The following MSL2 variants were observed in gnomAD, a reference collection of about 807,000 sequenced individuals.
The protein encoded by MSL2 is MSL complex subunit 2.
A neutral mutation model predicts 35.8 loss-of-function variants in MSL2; 2 were observed. The ratio of observed to expected loss-of-function variants is 0.06; its 90% CI spans 0.02 to 0.18. MSL2 has a LOEUF of 0.18. MSL2 is among the 10% of genes least tolerant of loss of function. The probability of loss-of-function intolerance (pLI) is 1.00; values close to 1 mark genes in which losing one functional copy is unlikely to be tolerated. For missense variants in MSL2, 523 were observed against 706.7 expected (o/e 0.74, Z 2.95); for synonymous variants, 296 against 255.7 (o/e 1.16, Z -1.50).
intron 1 of MSL2, among the ~76,000 whole-genome samples, chr3:136,191,556 G>A (rs1940691489): frequency 6.6e-6 from 1 of 151,898 alleles, no homozygotes; most frequent in African/African-American, 2.4e-5. Context: ...AAGGCACAAG[G>A]ATAGTTTGAG....
chr3:136,180,071 A>T (rs950128229), intron 1 of MSL2, among the ~76,000 whole-genome samples: 2 of 152,186 alleles, frequency 1.3e-5, no homozygotes, highest in Non-Finnish European at 2.9e-5. Context: ...TCTCAAAAAA[A>T]AAATAAAAAA....
chr3:136,156,325 A>G (rs1939520041), intron 1 of MSL2, among the ~76,000 whole-genome samples: 1 of 152,228 alleles, frequency 6.6e-6, no homozygotes, highest in Non-Finnish European at 1.5e-5. Context: ...GTCCGTCTGC[A>G]TGTGGAAGGA....
chr3:136,177,087 C>A (rs189923209), intron 1 of MSL2, among the ~76,000 whole-genome samples: 20 of 152,152 alleles, frequency 1.3e-4, no homozygotes, highest in African/African-American at 4.6e-4. Flanking sequence ...TACTGTAAAC[C>A]TCCACCCACT....
At chr3:136,182,501 T>C (rs539323768) in intron 1 of MSL2, among the ~76,000 whole-genome samples, 6 of 152,278 alleles carry the variant, frequency 3.9e-5, no homozygotes, top group African/African-American at 1.4e-4. Context: ...TGCCTGGGAA[T>C]ACTTTTCAGG....
At chr3:136,181,271 A>G (rs1342773495) in intron 1 of MSL2, among the ~76,000 whole-genome samples, 6 of 152,176 alleles carry the variant, frequency 3.9e-5, no homozygotes, top group African/African-American at 1.4e-4. Context: ...CTTGTCTCTA[A>G]CCGTTGATCT....
At chr3:136,157,510 GA>G in intron 1 of MSL2, among the ~76,000 whole-genome samples, 1 of 152,034 alleles carries the variant, frequency 6.6e-6, no homozygotes, top group Non-Finnish European at 1.5e-5. Flanking sequence ...TCAAAAAAAC[GA>G]AAATAAATAA....
At chr3:136,193,691 T>C (rs1576381044) in intron 1 of MSL2, among the ~76,000 whole-genome samples, 2 of 151,978 alleles carry the variant, frequency 1.3e-5, no homozygotes, top group East Asian at 1.9e-4. Context: ...GAAAGGAAAC[T>C]GAATCTAGCC....
chr3:136,170,365 A>G (rs547325232), intron 1 of MSL2, among the ~76,000 whole-genome samples: 1 of 150,972 alleles, frequency 6.6e-6, no homozygotes, highest in South Asian at 2.1e-4. Context: ...AAAAAAAAAA[A>G]CCATTGTTAA....
chr3:136,155,747 G>A (rs888696104), intron 1 of MSL2: 8 of 522,086 alleles, frequency 1.5e-5, no homozygotes, highest in East Asian at 4.8e-5. Flanking sequence ...TTCTACAGAC[G>A]GAATTGTGAG....
intron 1 of MSL2, among the ~76,000 whole-genome samples, chr3:136,169,483 C>T (rs1395391628): frequency 6.6e-6 from 1 of 152,116 alleles, no homozygotes; most frequent in African/African-American, 2.4e-5. Context: ...CAGTCTCACT[C>T]TGTCACCTAG....
chr3:136,194,838 T>C, intron 1 of MSL2, 134 bp downstream of exon 1: 2 of 1,394,202 alleles, frequency 1.4e-6, no homozygotes, highest in Non-Finnish European at 2.0e-6. Flanking sequence ...GTTTCAAAAC[T>C]AATGACCGTA....
chr3:136,177,367 C>T (rs988407154), intron 1 of MSL2, among the ~76,000 whole-genome samples: 1 of 152,012 alleles, frequency 6.6e-6, no homozygotes, highest in Non-Finnish European at 1.5e-5. Context: ...GGCAGATGTG[C>T]CTTAGTCACT....
At chr3:136,183,413 T>C (rs943661153) in intron 1 of MSL2, among the ~76,000 whole-genome samples, 1 of 151,926 alleles carries the variant, frequency 6.6e-6, no homozygotes, top group Non-Finnish European at 1.5e-5. Context: ...ATTTTTAAAA[T>C]GAAAGTTTTG....
In MSL2 at chr3:136,150,961, G is replaced by GT; in HGVS notation, c.*185dup. 1 of 620,040 alleles carries GT rather than the reference G, an allele frequency of 1.6e-6. No individual in the cohort carries two copies. The allele number at this position is 620,040 out of a possible 1,614,324, so 38.4% of individuals were successfully genotyped here. On this transcript the variant is annotated 3_prime_UTR_variant, in exon 2 of 2. Coordinates refer to ENST00000309993, the MANE Select transcript of MSL2 (RefSeq NM_018133.4). ...CTGTAAGAACTAAGGACATATAGTT[G>GT]TAGGGTTACTCCTCCATTATCTGCA...
rs368825672 is a variant in MSL2, at chr3:136,195,134, T to C, written c.-21A>G. On this transcript the variant is annotated 5_prime_UTR_variant, in exon 1 of 2. Transcript: ENST00000309993. Reference sequence around the variant, plus strand: ...TTCATTGCAGACACTTCGACACCAATGGCTCCCGGTTGAAAAGAAATTCCG... The same window carrying C: ...TTCATTGCAGACACTTCGACACCAACGGCTCCCGGTTGAAAAGAAATTCCG... 9.9e-5 allele frequency: 155 copies of C among 1,573,168 alleles called. No individual in the cohort carries two copies. The Admixed American group carries it at 1.5e-3, about 15-fold the overall frequency.
chr3:136,173,075 A>G (rs921378536), intron 1 of MSL2, among the ~76,000 whole-genome samples: 1 of 152,178 alleles, frequency 6.6e-6, no homozygotes, highest in Non-Finnish European at 1.5e-5. Flanking sequence ...AGGCACAAAA[A>G]TCGCTTGAAC....
intron 1 of MSL2, among the ~76,000 whole-genome samples, chr3:136,194,202 C>CACAGTTA (rs575853162): frequency 3.3e-5 from 5 of 151,510 alleles, no homozygotes; most frequent in Non-Finnish European, 7.3e-5. Flanking sequence ...ATTACACACG[C>CACAGTTA]ACAGTTAACA....
chr3:136,176,637 C>T (rs1281347798), intron 1 of MSL2, among the ~76,000 whole-genome samples: 1 of 150,830 alleles, frequency 6.6e-6, no homozygotes, highest in Non-Finnish European at 1.5e-5. Flanking sequence ...CCAGCCTGGG[C>T]AACTGAGTGA....
At chr3:136,156,318 C>A (rs1361126568) in intron 1 of MSL2, among the ~76,000 whole-genome samples, 1 of 152,036 alleles carries the variant, frequency 6.6e-6, no homozygotes, top group Non-Finnish European at 1.5e-5. Flanking sequence ...AATGGAAGTC[C>A]GTCTGCATGT....
Sources: allele counts gnomAD v4.1 joint callset (sites outside exome capture counted in the v4.1 genomes callset), GRCh38; gene constraint gnomAD v4.1.1; transcripts MANE v1.5; gene names NCBI Gene and HGNC (gene_info 2026-07-23, HGNC 2026-07-21).